GLI2: variants seen among roughly 807,000 people sequenced by gnomAD.
GLI2 encodes the protein GLI family zinc finger 2.
Under a neutral mutation model 78.9 loss-of-function variants are expected in GLI2, and 22 were observed. The ratio of observed to expected loss-of-function variants is 0.28; its 90% CI spans 0.20 to 0.40. The LOEUF (loss-of-function observed/expected upper bound fraction) is 0.40. Ranked by LOEUF, GLI2 falls within the 10% of genes least tolerant of loss-of-function variation. GLI2 has a pLI of 1.00. For synonymous variants in GLI2, 974 were observed against 963.7 expected (o/e 1.01, Z -0.20); for missense variants, 2,097 against 2,213.2 (o/e 0.95, Z 1.05).
chr2:120,890,564 T>G (rs1388247775), intron 2 of GLI2, among the ~76,000 whole-genome samples: 2 of 152,204 alleles, frequency 1.3e-5, no homozygotes, highest in African/African-American at 4.8e-5. Context: ...ACTATCAGTA[T>G]CTTGATTCTG....
intron 2 of GLI2, among the ~76,000 whole-genome samples, chr2:120,918,594 C>T (rs1415841777): frequency 6.6e-6 from 1 of 152,104 alleles, no homozygotes. Flanking sequence ...GCTTGCACCA[C>T]CACCCCTGGC....
intron 1 of GLI2, among the ~76,000 whole-genome samples, chr2:120,761,108 T>C (rs146678273): frequency 6.6e-6 from 1 of 152,112 alleles, no homozygotes; most frequent in African/African-American, 2.4e-5. Flanking sequence ...TTACAGGTTT[T>C]CAAAATAAAG....
intron 2 of GLI2, among the ~76,000 whole-genome samples, chr2:120,921,357 C>T (rs1679371257): frequency 6.6e-6 from 1 of 151,924 alleles, no homozygotes; most frequent in South Asian, 2.1e-4. Flanking sequence ...TTAGAAGGGC[C>T]GTTGGGTCAG....
At chr2:120,848,114 C>T (rs1237293224) in intron 2 of GLI2, among the ~76,000 whole-genome samples, 1 of 151,974 alleles carries the variant, frequency 6.6e-6, no homozygotes. Context: ...GCTTGTCCGG[C>T]CCCCGCAGAC....
At chr2:120,820,773 C>A (rs940569002) in intron 2 of GLI2, among the ~76,000 whole-genome samples, 2 of 152,206 alleles carry the variant, frequency 1.3e-5, no homozygotes, top group Non-Finnish European at 2.9e-5. Context: ...GGACTGACTT[C>A]TTTAAACAAA....
intron 2 of GLI2, among the ~76,000 whole-genome samples, chr2:120,896,638 TACAC>T (rs149519455): frequency 0.01 from 1,252 of 119,398 alleles, 5 homozygotes; most frequent in Middle Eastern, 0.019. Flanking sequence ...AAAACACACA[TACAC>T]ACACACACAC....
At chr2:120,898,222 A>G (rs1473440572) in intron 2 of GLI2, among the ~76,000 whole-genome samples, 1 of 151,786 alleles carries the variant, frequency 6.6e-6, no homozygotes, top group African/African-American at 2.4e-5. Context: ...ACACAAAATG[A>G]TTGTCATAAA....
chr2:120,840,225 T>A (rs1336206106), intron 2 of GLI2, among the ~76,000 whole-genome samples: 1 of 152,238 alleles, frequency 6.6e-6, no homozygotes, highest in Non-Finnish European at 1.5e-5. Flanking sequence ...AAATTATGCC[T>A]TTCCCCGCTT....
intron 7 of GLI2, 116 bp downstream of exon 7, chr2:120,970,722 G>A (rs534288741): frequency 2.9e-5 from 26 of 881,708 alleles, no homozygotes; most frequent in South Asian, 1.0e-4. Context: ...ACGTCTGGCC[G>A]CTAGGGTGCC....
intron 2 of GLI2, among the ~76,000 whole-genome samples, chr2:120,909,960 T>C (rs1252963892): frequency 1.3e-5 from 2 of 152,212 alleles, no homozygotes; most frequent in Non-Finnish European, 2.9e-5. Context: ...CCTACAGATT[T>C]ATTCCATAAG....
chr2:120,818,111 G>A (rs1300887961), intron 2 of GLI2, among the ~76,000 whole-genome samples: 2 of 152,162 alleles, frequency 1.3e-5, no homozygotes, highest in Non-Finnish European at 2.9e-5. Context: ...ATCTGGTTGA[G>A]GTTCACAGCT....
intron 1 of GLI2, among the ~76,000 whole-genome samples, chr2:120,787,351 C>T (rs1283577983): frequency 1.3e-5 from 2 of 152,196 alleles, no homozygotes; most frequent in African/African-American, 2.4e-5. Context: ...CATGGTCCTT[C>T]GTCCCCTCTC....
chr2:120,978,358 T>TGGTCAGCTGACAGCAGGG, intron 9 of GLI2, 76 bp from the exon 10 acceptor site: 1 of 1,550,632 alleles, frequency 6.4e-7, no homozygotes, highest in Non-Finnish European at 8.9e-7. Flanking sequence ...CCGGTGCAGG[T>TGGTCAGCTGACAGCAGGG]GGTCAGCTGA....
At chr2:120,854,193 C>A (rs977816127) in intron 2 of GLI2, among the ~76,000 whole-genome samples, 4 of 152,180 alleles carry the variant, frequency 2.6e-5, no homozygotes, top group African/African-American at 9.7e-5. Flanking sequence ...TCAAGGAGAG[C>A]TTCCTGGAGG....
chr2:120,955,495 C>A, intron 5 of GLI2, 65 bp downstream of exon 5: 1 of 1,101,510 alleles, frequency 9.1e-7, no homozygotes, highest in South Asian at 1.6e-5. Context: ...CTGAGAAGGT[C>A]ACTCGCTGTT....
intron 2 of GLI2, among the ~76,000 whole-genome samples, chr2:120,833,536 C>T (rs1235818892): frequency 1.3e-5 from 2 of 152,176 alleles, no homozygotes; most frequent in South Asian, 2.1e-4. Flanking sequence ...AATCAGGCTG[C>T]CTTTGCAGGG....
Position 120,908,397 on chromosome 2 carries a change from C to G in GLI2, c.149-18964C>G, listed in dbSNP as rs536336074. Among the ~76,000 whole-genome samples, 137 of 152,270 alleles carry G rather than the reference C, an allele frequency of 9.0e-4. 2 individuals carry two copies. Among genetic ancestry groups the G allele is most frequent in the African/African-American group, 3.2e-3 (132 of 41,546 alleles). On this transcript the variant is annotated intron_variant, in intron 2 of 13. Coordinates refer to ENST00000361492, the MANE Select transcript of GLI2 (RefSeq NM_001374353.1). ...CTCTGGTGGGCAGCTGCATGGGGAC[C>G]CCTTTCCCAAGCCCCTTGCATATGG...
intron 3 of GLI2, among the ~76,000 whole-genome samples, chr2:120,949,317 T>C (rs1241485910): frequency 1.3e-5 from 2 of 152,264 alleles, no homozygotes; most frequent in Non-Finnish European, 1.5e-5. Flanking sequence ...TTGTGACTTA[T>C]TCCACAGTCT....
intron 2 of GLI2, among the ~76,000 whole-genome samples, chr2:120,813,374 G>A (rs561060488): frequency 1.6e-4 from 25 of 152,318 alleles, no homozygotes; most frequent in Non-Finnish European, 3.7e-4. Flanking sequence ...CCATGGACAT[G>A]CAGTCCACGT....
Sources: allele counts gnomAD v4.1 joint callset (sites outside exome capture counted in the v4.1 genomes callset), GRCh38; gene constraint gnomAD v4.1.1; transcripts MANE v1.5; gene names NCBI Gene and HGNC (gene_info 2026-07-23, HGNC 2026-07-21).